TRIM13: variants seen among roughly 807,000 people sequenced by gnomAD.
TRIM13 encodes tripartite motif containing 13, also known as E3 ubiquitin-protein ligase TRIM13.
In TRIM13, 15 loss-of-function variants were observed where a neutral mutation model predicts 27.1. The observed-to-expected ratio is 0.55, with a 90% CI of 0.37 to 0.85. The LOEUF (loss-of-function observed/expected upper bound fraction) is 0.85. TRIM13 is among the 40% of genes least tolerant of loss of function. TRIM13 has a pLI of 0.00. For synonymous variants in TRIM13, 193 were observed against 171.5 expected (o/e 1.13, Z -0.98); for missense variants, 402 against 472.2 (o/e 0.85, Z 1.38).
At position 50,018,273 on chromosome 13, in the gene TRIM13, A is replaced by G. The variant is rs1305390219; in HGVS notation, c.*5109A>G. 1 of 166,940 alleles carries G rather than the reference A, an allele frequency of 6.0e-6. No individual in the cohort carries two copies. Among genetic ancestry groups the G allele is most frequent in the African/African-American group, 2.4e-5 (1 of 41,462 alleles). 10.3% of individuals were successfully genotyped at this position (166,940 alleles called of 1,614,324 possible). On this transcript the variant is annotated 3_prime_UTR_variant, in exon 2 of 2. Coordinates refer to ENST00000378182, the MANE Select transcript of TRIM13 (RefSeq NM_213590.3). ...AGGTGATGTCTTGCAAGTACGTTCC[A>G]CTTTGTTACAATCTACTATCTGTAT...
chr13:50,008,516 T>C (rs1875111511), intron 1 of TRIM13, among the ~76,000 whole-genome samples: 1 of 151,472 alleles, frequency 6.6e-6, no homozygotes, highest in African/African-American at 2.4e-5. Flanking sequence ...TGCATGCCTG[T>C]AGTCTTAGCT....
rs988998198 is a variant in TRIM13 at position 50,014,444 on chromosome 13, G to T, written c.*1280G>T. The T allele has an allele frequency of 6.2e-6, 1 of 160,990 alleles. No individual in the cohort carries two copies. Among genetic ancestry groups the T allele is most frequent in the Non-Finnish European group, 1.5e-5 (1 of 67,244 alleles). The allele number at this position is 160,990 out of a possible 1,614,324, so 10.0% of individuals were successfully genotyped here. ...AACACATGGCAAGAGCAGGAAATGG[G>T]AAGACTACCTTTTTTCTGGCAGCTA... On this transcript the variant is annotated 3_prime_UTR_variant, in exon 2 of 2. Coordinates refer to ENST00000378182, the MANE Select transcript of TRIM13 (RefSeq NM_213590.3).
chr13:49,997,459 G>A lies in TRIM13; in HGVS notation c.-311G>A, dbSNP rs1165978324. The A allele has an allele frequency of 6.6e-6, 1 of 152,114 alleles. No homozygotes were observed. Among genetic ancestry groups the A allele is most frequent in the Non-Finnish European group, 1.5e-5 (1 of 68,064 alleles). The allele number at this position is 152,114 out of a possible 1,614,324, so 9.4% of individuals were successfully genotyped here. On this transcript the variant is annotated 5_prime_UTR_variant, in exon 1 of 2. Coordinates refer to ENST00000378182, the MANE Select transcript of TRIM13 (RefSeq NM_213590.3). ...ACGGGTGTGGGCCTTAGGTTACAGC[G>A]CGCCGCCAGCGTTTGGTTGCATGGC...
Position 50,014,983 on chromosome 13 carries a change from G to A in TRIM13, c.*1819G>A, listed in dbSNP as rs1566445909. ...CATGATTTAGCCACTAAATTTCTAAGGAGATCATAAGAAATTAAGAAAAAC... is the reference window on the plus strand; with the variant it reads ...CATGATTTAGCCACTAAATTTCTAAAGAGATCATAAGAAATTAAGAAAAAC... On this transcript the variant is annotated 3_prime_UTR_variant, in exon 2 of 2. Coordinates refer to ENST00000378182, the MANE Select transcript of TRIM13 (RefSeq NM_213590.3). The A allele has an allele frequency of 6.1e-6, 1 of 164,628 alleles. No individual in the cohort carries two copies. The highest frequency in any genetic ancestry group is 1.5e-5 in the Non-Finnish European group (1 of 67,758). 10.2% of individuals were successfully genotyped at this position (164,628 alleles called of 1,614,324 possible). A position where few individuals can be genotyped will look rare whatever the true frequency, so the allele number is the denominator to read the frequency against.
Position 50,018,069 on chromosome 13 carries a change from CTTTA to C in TRIM13, c.*4909_*4912del, listed in dbSNP as rs1042423749. 3 of 166,988 alleles carry C rather than the reference CTTTA, an allele frequency of 1.8e-5. No homozygotes were observed. The highest frequency in any genetic ancestry group is 1.9e-4 in the East Asian group (1 of 5,202). The allele number at this position is 166,988 out of a possible 1,614,324, so 10.3% of individuals were successfully genotyped here. On this transcript the variant is annotated 3_prime_UTR_variant, in exon 2 of 2. Coordinates refer to ENST00000378182, the MANE Select transcript of TRIM13 (RefSeq NM_213590.3). ...ATAGTTGGTCACAGGATTCTAAAGTCTTTATTTGACTTCTCCTTTTTGAACTGGC... is the reference window on the plus strand; with the variant it reads ...ATAGTTGGTCACAGGATTCTAAAGTCTTTGACTTCTCCTTTTTGAACTGGC...
In TRIM13 at chr13:50,015,704, T is replaced by G; in HGVS notation, c.*2540T>G. ...AGATTTTTTGAGAACTCACCAGCTT[T>G]TATTACCCACTGAATTTTCAGACTA... is the stretch of plus-strand genomic sequence containing the variant. On this transcript the variant is annotated 3_prime_UTR_variant, in exon 2 of 2. Coordinates refer to ENST00000378182, the MANE Select transcript of TRIM13 (RefSeq NM_213590.3). 1.2e-6 allele frequency: 2 copies of G among 1,614,116 alleles called. No homozygotes were observed. The highest frequency in any genetic ancestry group is 1.7e-6 in the Non-Finnish European group (2 of 1,179,962).
Position 50,016,275 on chromosome 13 carries a change from G to C in TRIM13, c.*3111G>C. On this transcript the variant is annotated 3_prime_UTR_variant, in exon 2 of 2. Coordinates refer to ENST00000378182, the MANE Select transcript of TRIM13 (RefSeq NM_213590.3). Reference sequence around the variant, plus strand: ...TTAGAGTGAAAGGGGCTATTATTAGGTGGGACAAAAGGAATAAATGAAGAC... The same window carrying C: ...TTAGAGTGAAAGGGGCTATTATTAGCTGGGACAAAAGGAATAAATGAAGAC... The C allele has an allele frequency of 1.9e-6, 1 of 524,128 alleles. No individual in the cohort carries two copies. The highest frequency in any genetic ancestry group is 3.5e-6 in the Non-Finnish European group (1 of 288,876). The allele number at this position is 524,128 out of a possible 1,614,324, so 32.5% of individuals were successfully genotyped here.
chr13:50,006,405 C>T (rs1307553224), intron 1 of TRIM13, among the ~76,000 whole-genome samples: 2 of 152,078 alleles, frequency 1.3e-5, no homozygotes, highest in African/African-American at 4.8e-5. Flanking sequence ...TTGTTTTCTT[C>T]TTATTTAATA....
rs765481496 is a variant in TRIM13 at position 50,015,829 on chromosome 13, A to T, written c.*2665A>T. 4 of 1,614,056 alleles carry T rather than the reference A, an allele frequency of 2.5e-6. No homozygotes were observed. The African/African-American group carries it at 5.3e-5, about 22-fold the overall frequency. ...AGCCAAGACCTGCTCTTGTGGAGGT[A>T]CATTTCCTAAGCCGGAACACTCAAG... On this transcript the variant is annotated 3_prime_UTR_variant, in exon 2 of 2. Coordinates refer to ENST00000378182, the MANE Select transcript of TRIM13 (RefSeq NM_213590.3).
chr13:49,999,822 T>C (rs1873805020), intron 1 of TRIM13, among the ~76,000 whole-genome samples: 1 of 152,178 alleles, frequency 6.6e-6, no homozygotes, highest in South Asian at 2.1e-4. Context: ...TTTAGAGAGC[T>C]TATGATTAAA....
chr13:50,002,353 C>T lies in TRIM13; in HGVS notation c.-7+4590C>T, dbSNP rs1594560142. On this transcript the variant is annotated intron_variant, in intron 1 of 1. Coordinates refer to ENST00000378182, the MANE Select transcript of TRIM13 (RefSeq NM_213590.3). ...GCAGTGAGACGAGATCGCACCATTG[C>T]ACTCCAGCCTGGGTGACAGAGCAAG... Among the ~76,000 whole-genome samples, 4 of 151,060 alleles carry T rather than the reference C, an allele frequency of 2.6e-5. No homozygotes were observed. The Admixed American group carries it at 2.7e-4, about 10-fold the overall frequency.
At position 50,017,820 on chromosome 13, in the gene TRIM13, G is replaced by A. The variant is rs1224096225; in HGVS notation, c.*4656G>A. ...CTCACTCCCTGGTCTGAATCTATCT[G>A]TCTATTCAGATATTTTTTGGTAGGT... On this transcript the variant is annotated 3_prime_UTR_variant, in exon 2 of 2. Coordinates refer to ENST00000378182, the MANE Select transcript of TRIM13 (RefSeq NM_213590.3). 1 of 166,992 alleles carries A rather than the reference G, an allele frequency of 6.0e-6. No individual in the cohort carries two copies. The highest frequency in any genetic ancestry group is 1.5e-5 in the Non-Finnish European group (1 of 68,092). The allele number at this position is 166,992 out of a possible 1,614,324, so 10.3% of individuals were successfully genotyped here.
chr13:50,014,015 G>A lies in TRIM13; in HGVS notation c.*851G>A, dbSNP rs914830971. The A allele has an allele frequency of 3.0e-5, 5 of 166,606 alleles. No homozygotes were observed. The highest frequency in any genetic ancestry group is 6.6e-5 in the Admixed American group (1 of 15,208). The allele number at this position is 166,606 out of a possible 1,614,324, so 10.3% of individuals were successfully genotyped here. A position where few individuals can be genotyped will look rare whatever the true frequency, so the allele number is the denominator to read the frequency against. ...GTTAATTATCACCAAAATGTGAATGGTACATACAAAACCTGGCATTTTCTT... is the reference window on the plus strand; with the variant it reads ...GTTAATTATCACCAAAATGTGAATGATACATACAAAACCTGGCATTTTCTT... On this transcript the variant is annotated 3_prime_UTR_variant, in exon 2 of 2. Coordinates refer to ENST00000378182, the MANE Select transcript of TRIM13 (RefSeq NM_213590.3).
intron 1 of TRIM13, among the ~76,000 whole-genome samples, chr13:50,005,334 T>C (rs1874549173): frequency 6.6e-6 from 1 of 152,054 alleles, no homozygotes; most frequent in Non-Finnish European, 1.5e-5. Context: ...TAGTCACTTG[T>C]GGAAGTGGTC....
intron 1 of TRIM13, among the ~76,000 whole-genome samples, chr13:50,011,290 G>T (rs1875603634): frequency 6.6e-6 from 1 of 152,144 alleles, no homozygotes; most frequent in African/African-American, 2.4e-5. Context: ...GAAAATTGAT[G>T]ATTCTAGATA....
intron 1 of TRIM13, among the ~76,000 whole-genome samples, chr13:50,010,043 T>TG (rs2138404446): frequency 1.0e-5 from 1 of 99,028 alleles, no homozygotes; most frequent in East Asian, 2.1e-4. Context: ...ATTTAATCTT[T>TG]TTTTTTTTTT....
chr13:49,998,312 C>G (rs1236014604), intron 1 of TRIM13, among the ~76,000 whole-genome samples: 3 of 152,144 alleles, frequency 2.0e-5, no homozygotes, highest in African/African-American at 7.2e-5. Flanking sequence ...CCGGGCTGTT[C>G]TGTTCATTCT....
In TRIM13 at chr13:50,012,259, C is replaced by T. The variant is rs1234474313; in HGVS notation, c.319C>T (p.Leu107=). The change falls in exon 2 of 2, where the codon CTG becomes TTG. Residue 107 remains leucine (L), a synonymous_variant. Coordinates refer to ENST00000378182, the MANE Select transcript of TRIM13 (RefSeq NM_213590.3). The part of the protein sequence containing the change: ...HLGQPLNIFC[L]TDMQLICGIC... ...GGGGCAGCCTCTCAACATTTTCTGCCTGACTGATATGCAGCTGATTTGTGG... is the reference window on the plus strand; with the variant it reads ...GGGGCAGCCTCTCAACATTTTCTGCTTGACTGATATGCAGCTGATTTGTGG... 1 of 1,614,118 alleles carries T rather than the reference C, an allele frequency of 6.2e-7. No homozygotes were observed. Among genetic ancestry groups the T allele is most frequent in the Non-Finnish European group, 8.5e-7 (1 of 1,180,004 alleles).
chr13:50,013,285 A>G lies in TRIM13; in HGVS notation c.*121A>G, dbSNP rs919685811. The G allele has an allele frequency of 2.9e-6, 3 of 1,047,328 alleles. No homozygotes were observed. The highest frequency in any genetic ancestry group is 6.5e-5 in the Admixed American group (2 of 30,918). 64.9% of individuals were successfully genotyped at this position (1,047,328 alleles called of 1,614,324 possible). A position where few individuals can be genotyped will look rare whatever the true frequency, so the allele number is the denominator to read the frequency against. ...TCCTCCAAAAGTATTCCTTCCAAAA[A>G]TAATCTATACATGTTCAAATTAGGT... On this transcript the variant is annotated 3_prime_UTR_variant, in exon 2 of 2. Transcript: ENST00000378182.
Sources: gnomAD v4.1 joint callset for allele counts (sites outside exome capture counted in the v4.1 genomes callset) on GRCh38, gnomAD v4.1.1 for gene constraint, MANE v1.5 for transcripts, NCBI Gene and HGNC (gene_info 2026-07-23, HGNC 2026-07-21) for gene names.